Variants in CSMD3 observed in about 807,000 individuals in gnomAD.
CSMD3 encodes CUB and sushi domain-containing protein 3.
Under a neutral mutation model 435.2 loss-of-function variants are expected in CSMD3, and 177 were observed. That is an observed-to-expected ratio of 0.41 (90% CI 0.36 to 0.46). The LOEUF (loss-of-function observed/expected upper bound fraction) is 0.46. CSMD3 is among the 20% of genes least tolerant of loss of function. CSMD3 has a pLI of 0.34. For synonymous variants in CSMD3, 1,656 were observed against 1,520.5 expected, an observed-to-expected ratio of 1.09 and a Z score of -2.07; for missense variants, 4,265 against 4,504.6, an observed-to-expected ratio of 0.95 and a Z score of 1.52.
chr8:113,349,150 C>T (rs895624714), intron 1 of CSMD3, among the ~76,000 whole-genome samples: 4 of 152,028 alleles, frequency 2.6e-5, no homozygotes, highest in Non-Finnish European at 5.9e-5. Flanking sequence ...TTCCTTAGTG[C>T]CCTTACCAAA....
chr8:112,470,472 C>T (rs1188110206), intron 32 of CSMD3, among the ~76,000 whole-genome samples: 2 of 152,176 alleles, frequency 1.3e-5, no homozygotes, highest in East Asian at 3.9e-4. Flanking sequence ...ATCATTGCTA[C>T]TTTAGAGATG....
chr8:112,489,526 C>T (rs1367885199), intron 31 of CSMD3, among the ~76,000 whole-genome samples: 2 of 152,106 alleles, frequency 1.3e-5, no homozygotes, highest in South Asian at 4.1e-4. Flanking sequence ...GATTAAGAAA[C>T]AAAAATATAT....
chr8:112,880,342 G>A (rs1279088607), intron 10 of CSMD3, among the ~76,000 whole-genome samples: 4 of 152,034 alleles, frequency 2.6e-5, no homozygotes, highest in Non-Finnish European at 5.9e-5. Flanking sequence ...TACGCTTAAG[G>A]AGCTTGCAGT....
chr8:112,477,694 C>T (rs961472352), intron 31 of CSMD3, among the ~76,000 whole-genome samples: 1 of 152,094 alleles, frequency 6.6e-6, no homozygotes, highest in Non-Finnish European at 1.5e-5. Flanking sequence ...TTTCTGAGGC[C>T]CTCACCAGAA....
At chr8:112,645,898 G>A (rs1358043885) in intron 19 of CSMD3, among the ~76,000 whole-genome samples, 1 of 152,118 alleles carries the variant, frequency 6.6e-6, no homozygotes, top group African/African-American at 2.4e-5. Flanking sequence ...AAAATTGAAA[G>A]CTGGAGGAAG....
chr8:113,205,398 C>T (rs2356202), intron 3 of CSMD3, among the ~76,000 whole-genome samples: 56,041 of 152,018 alleles, frequency 0.37, 11,154 homozygotes, highest in African/African-American at 0.52. Context: ...TCCTACAACA[C>T]GTGGGAATTC....
chr8:112,393,823 G>A (rs1830643386), intron 35 of CSMD3, among the ~76,000 whole-genome samples: 2 of 151,826 alleles, frequency 1.3e-5, no homozygotes, highest in South Asian at 4.2e-4. Context: ...TTGAGCCTTT[G>A]TTTGCTTGAA....
intron 4 of CSMD3, among the ~76,000 whole-genome samples, chr8:113,147,374 A>C (rs2091700680): frequency 6.6e-6 from 1 of 151,746 alleles, no homozygotes; most frequent in Non-Finnish European, 1.5e-5. Flanking sequence ...CTTAAAACTT[A>C]CTAGTTGACT....
intron 32 of CSMD3, among the ~76,000 whole-genome samples, chr8:112,444,365 A>C (rs1278660506): frequency 6.6e-6 from 1 of 152,214 alleles, no homozygotes; most frequent in Non-Finnish European, 1.5e-5. Context: ...GTATTGACTG[A>C]AGAGAAATAA....
rs1219510362 is a variant in CSMD3, at chr8:112,223,062, AG to A, written c.*1708del. ...ATGCATTAATATAAGAGGAGTAGCC[AG>A]TTGCAGAAGAAACATTGTTTAAACA... On this transcript the variant is annotated 3_prime_UTR_variant, in exon 71 of 71. Transcript: ENST00000297405. 1.8e-5 allele frequency: 7 copies of A among 398,614 alleles called. No homozygotes were observed. The East Asian group carries it at 2.5e-4, about 14-fold the overall frequency. The allele number at this position is 398,614 out of a possible 1,614,324, so 24.7% of individuals were successfully genotyped here.
intron 6 of CSMD3, among the ~76,000 whole-genome samples, chr8:112,997,588 CA>C (rs1274093235): frequency 6.6e-6 from 1 of 151,466 alleles, no homozygotes; most frequent in Non-Finnish European, 1.5e-5. Flanking sequence ...ATTTGATGGT[CA>C]AGGAGATATT....
At chr8:112,622,411 A>C (rs1316290523) in intron 22 of CSMD3, among the ~76,000 whole-genome samples, 1 of 152,166 alleles carries the variant, frequency 6.6e-6, no homozygotes, top group African/African-American at 2.4e-5. Context: ...TGTAAGATGT[A>C]AACTTAAACA....
At chr8:112,833,810 A>T (rs1388842809) in intron 11 of CSMD3, among the ~76,000 whole-genome samples, 3 of 151,978 alleles carry the variant, frequency 2.0e-5, no homozygotes, top group Non-Finnish European at 4.4e-5. Flanking sequence ...CTTATATTTC[A>T]GTGAGAGTAA....
chr8:113,326,532 A>G (rs992421691), intron 1 of CSMD3, among the ~76,000 whole-genome samples: 21 of 152,206 alleles, frequency 1.4e-4, no homozygotes, highest in African/African-American at 5.1e-4. Flanking sequence ...AACATATATT[A>G]TTTTATTAAA....
intron 1 of CSMD3, among the ~76,000 whole-genome samples, chr8:113,348,457 A>T (rs1301794598): frequency 6.6e-6 from 1 of 152,134 alleles, no homozygotes; most frequent in Non-Finnish European, 1.5e-5. Flanking sequence ...GTATAAGATG[A>T]AAACCATTCC....
chr8:113,063,913 T>G (rs2131374708), intron 5 of CSMD3, among the ~76,000 whole-genome samples: 1 of 151,868 alleles, frequency 6.6e-6, no homozygotes, highest in African/African-American at 2.4e-5. Flanking sequence ...ATTATTAAGT[T>G]TTATAATACA....
At chr8:113,071,530 C>T (rs2089119592) in intron 5 of CSMD3, among the ~76,000 whole-genome samples, 1 of 151,874 alleles carries the variant, frequency 6.6e-6, no homozygotes, top group African/African-American at 2.4e-5. Flanking sequence ...CATTCTTCTT[C>T]GTGTAGATAC....
intron 1 of CSMD3, among the ~76,000 whole-genome samples, chr8:113,402,267 C>A (rs1424826459): frequency 6.6e-6 from 1 of 151,174 alleles, no homozygotes; most frequent in Admixed American, 6.6e-5. Context: ...AAATTTGACT[C>A]AAAATTTACT....
chr8:112,236,512 T>C (rs1229823843), intron 67 of CSMD3, among the ~76,000 whole-genome samples: 1 of 152,032 alleles, frequency 6.6e-6, no homozygotes, highest in East Asian at 1.9e-4. Context: ...TCAAATATTG[T>C]AAAGAAAAAA....
Sources: allele counts gnomAD v4.1 joint callset (sites outside exome capture counted in the v4.1 genomes callset), GRCh38; gene constraint gnomAD v4.1.1; transcripts MANE v1.5; gene names NCBI Gene and HGNC (gene_info 2026-07-23, HGNC 2026-07-21).